CEP63: variants seen among roughly 807,000 people sequenced by gnomAD.
CEP63 encodes the protein centrosomal protein 63, also known as centrosomal protein of 63 kDa.
In CEP63, 84 loss-of-function variants were observed where a neutral mutation model predicts 89.1. The ratio of observed to expected loss-of-function variants is 0.94; its 90% CI spans 0.79 to 1.13. The LOEUF (loss-of-function observed/expected upper bound fraction) is 1.13, where lower values mean the gene tolerates loss of function less well. Ranked by LOEUF, CEP63 falls within the 50% of genes most tolerant of loss-of-function variation. The probability of loss-of-function intolerance (pLI) is 0.00; values close to 1 mark genes in which losing one functional copy is unlikely to be tolerated. For missense variants in CEP63, 838 were observed against 813.3 expected (o/e 1.03, Z -0.37); for synonymous variants, 267 against 272.5 (o/e 0.98, Z 0.20).
the CEP63 span, among the ~76,000 whole-genome samples, chr3:134,676,119 C>T: frequency 2.6e-5 from 4 of 152,280 alleles, no homozygotes; most frequent in African/African-American, 9.6e-5. Flanking sequence ...TAAGTTCACC[C>T]TAAAATGTAT....
chr3:134,768,607 T>C, the CEP63 span, among the ~76,000 whole-genome samples: 9 of 152,150 alleles, frequency 5.9e-5, no homozygotes, highest in African/African-American at 2.2e-4. Context: ...ACCAACTACT[T>C]GTATGGCTGA....
At chr3:134,495,167 A>G in intron 1 of CEP63, 129 bp from the exon 2 acceptor site, 1 of 714,690 alleles carries the variant, frequency 1.4e-6, no homozygotes, top group Non-Finnish European at 2.5e-6. Context: ...CTGCTTCTAC[A>G]GTCATCTTAA....
intron 11 of CEP63, among the ~76,000 whole-genome samples, chr3:134,570,821 T>C (rs1360253552): frequency 4.6e-5 from 7 of 152,204 alleles, no homozygotes; most frequent in African/African-American, 1.7e-4. Flanking sequence ...AGAAGAGGTG[T>C]AATGGACTTA....
chr3:134,630,523 T>C, the CEP63 span, among the ~76,000 whole-genome samples: 2 of 152,182 alleles, frequency 1.3e-5, no homozygotes, highest in African/African-American at 4.8e-5. Context: ...AAATGGGTCA[T>C]GAAGAGGAGG....
chr3:134,743,259 T>C, the CEP63 span, among the ~76,000 whole-genome samples: 1 of 149,426 alleles, frequency 6.7e-6, no homozygotes, highest in Admixed American at 6.6e-5. Flanking sequence ...GTGAGTATTC[T>C]GTCTCACTGG....
At chr3:134,674,392 T>C in the CEP63 span, among the ~76,000 whole-genome samples, 1 of 152,234 alleles carries the variant, frequency 6.6e-6, no homozygotes, top group Non-Finnish European at 1.5e-5. Context: ...TCTAACATTA[T>C]TTCATATTAA....
the CEP63 span, chr3:134,780,556 T>C: frequency 1.1e-4 from 16 of 152,350 alleles, no homozygotes; most frequent in Non-Finnish European, 8.8e-5. Context: ...CAAATTTGCA[T>C]GTTACCTTTG....
the CEP63 span, among the ~76,000 whole-genome samples, chr3:134,764,242 T>A: frequency 6.6e-6 from 1 of 152,150 alleles, no homozygotes. Context: ...AGCTCCCAAG[T>A]TCAGGTTGGG....
At chr3:134,692,472 AT>A in the CEP63 span, among the ~76,000 whole-genome samples, 1 of 151,764 alleles carries the variant, frequency 6.6e-6, no homozygotes, top group Non-Finnish European at 1.5e-5. Context: ...ATAGTATTCC[AT>A]GGTGTATAGG....
intron 3 of CEP63, among the ~76,000 whole-genome samples, chr3:134,529,346 T>TTTC (rs1334091158): frequency 6.8e-6 from 1 of 146,640 alleles, no homozygotes; most frequent in East Asian, 2.0e-4. Flanking sequence ...TGACTTTTTT[T>TTTC]TTTTTTTTTT....
chr3:134,575,078 C>CT (rs1958166354), downstream of CEP63: 1 of 386,620 alleles, frequency 2.6e-6, no homozygotes, highest in Non-Finnish European at 4.6e-6. Flanking sequence ...TCACTAAAAA[C>CT]ATCAGGAATT....
chr3:134,603,726 G>A, the CEP63 span: 1 of 1,613,432 alleles, frequency 6.2e-7, no homozygotes, highest in Admixed American at 1.7e-5. Flanking sequence ...GGGGCCATGT[G>A]TCCTGCCCCT....
chr3:134,530,660 T>A (rs1218107977), intron 3 of CEP63, among the ~76,000 whole-genome samples: 10 of 152,218 alleles, frequency 6.6e-5, no homozygotes. Context: ...ATCCAGAAAT[T>A]CAGTTACATC....
chr3:134,754,222 C>T, the CEP63 span, among the ~76,000 whole-genome samples: 1 of 152,180 alleles, frequency 6.6e-6, no homozygotes, highest in Non-Finnish European at 1.5e-5. Flanking sequence ...GTGCCATAGC[C>T]TCAGGGACTC....
chr3:134,497,541 GT>G (rs374728361), intron 2 of CEP63, among the ~76,000 whole-genome samples: 22 of 148,164 alleles, frequency 1.5e-4, no homozygotes, highest in African/African-American at 3.5e-4. Flanking sequence ...ATTTAAGAAG[GT>G]TTTTTTTTTA....
chr3:134,651,058 G>A, the CEP63 span: 1 of 1,548,520 alleles, frequency 6.5e-7, no homozygotes, highest in Admixed American at 1.9e-5. Flanking sequence ...ACGGGAGAGG[G>A]CGAGGGCGCG....
chr3:134,686,578 G>C, the CEP63 span, among the ~76,000 whole-genome samples: 1 of 151,730 alleles, frequency 6.6e-6, no homozygotes, highest in African/African-American at 2.4e-5. Flanking sequence ...ATCCTCCACT[G>C]TCCACAGCGG....
chr3:134,745,288 T>G, the CEP63 span, among the ~76,000 whole-genome samples: 1 of 152,252 alleles, frequency 6.6e-6, no homozygotes, highest in South Asian at 2.1e-4. Context: ...TTTAGTTGTT[T>G]CAGTTCATAG....
At chr3:134,622,263 C>A in the CEP63 span, among the ~76,000 whole-genome samples, 1 of 152,088 alleles carries the variant, frequency 6.6e-6, no homozygotes, top group Non-Finnish European at 1.5e-5. Context: ...TTTGTTTCCC[C>A]AATGTTCATT....
Sources: gnomAD v4.1 joint callset for allele counts (sites outside exome capture counted in the v4.1 genomes callset) on GRCh38, gnomAD v4.1.1 for gene constraint, MANE v1.5 for transcripts, NCBI Gene and HGNC (gene_info 2026-07-23, HGNC 2026-07-21) for gene names.